Variants in DEFB104B observed in about 807,000 individuals in gnomAD.
The protein encoded by DEFB104B is defensin beta 104B.
intron 1 of DEFB104B, among the ~76,000 whole-genome samples, chr8:7,471,128 C>T (rs1319981339): frequency 1.3e-5 from 2 of 152,002 alleles, no homozygotes; most frequent in South Asian, 2.1e-4. Flanking sequence ...TTTATATCAC[C>T]TATCGCAAGT....
intron 1 of DEFB104B, among the ~76,000 whole-genome samples, chr8:7,473,994 C>T (rs1811042763): frequency 1.4e-5 from 2 of 139,352 alleles, no homozygotes; most frequent in Non-Finnish European, 3.2e-5. Context: ...GGAACATGCT[C>T]ATAGCAGAAT....
At chr8:7,472,383 A>T (rs1810984416) in intron 1 of DEFB104B, among the ~76,000 whole-genome samples, 1 of 130,680 alleles carries the variant, frequency 7.7e-6, no homozygotes, top group African/African-American at 3.1e-5. Context: ...CAGGCCATCT[A>T]TTTAGAGATG....
chr8:7,472,965 T>C (rs1423930923), intron 1 of DEFB104B, among the ~76,000 whole-genome samples: 2 of 107,880 alleles, frequency 1.9e-5, no homozygotes, highest in African/African-American at 7.3e-5. Context: ...CAAGCGATTC[T>C]CCTGCCTCCG....
intron 1 of DEFB104B, among the ~76,000 whole-genome samples, chr8:7,471,961 C>T (rs1251712350): frequency 6.6e-6 from 1 of 150,774 alleles, no homozygotes; most frequent in African/African-American, 2.5e-5. Context: ...GTTCTTTGTC[C>T]AGGATGTAGG....
At chr8:7,472,492 C>G (rs1439163868) in intron 1 of DEFB104B, among the ~76,000 whole-genome samples, 6 of 138,790 alleles carry the variant, frequency 4.3e-5, no homozygotes, top group Non-Finnish European at 9.2e-5. Context: ...GTCTTACAGT[C>G]TCAGTAAACA....
At position 7,473,016 on chromosome 8, in the gene DEFB104B, C is replaced by A. The variant is rs1585521612; in HGVS notation, c.58+1995G>T. On this transcript the variant is annotated intron_variant, in intron 1 of 1. Transcript: ENST00000316169. The stretch of plus-strand genomic sequence containing the variant: ...GAATTACAGACATGCACCACCACAC[C>A]CAGCTAATTTTTGTATTTTTAGTAG... Among the ~76,000 whole-genome samples, 4 of 128,814 alleles carry A rather than the reference C, an allele frequency of 3.1e-5. No homozygotes were observed. The South Asian group carries it at 1.2e-3, about 39-fold the overall frequency. 84.5% of individuals were successfully genotyped at this position (128,814 alleles called of 152,430 possible).
chr8:7,470,872 C>A (rs370832001), intron 1 of DEFB104B, among the ~76,000 whole-genome samples: 13,952 of 113,952 alleles, frequency 0.12, 2 homozygotes, highest in East Asian at 0.23. Flanking sequence ...CACTGTGGCC[C>A]TCACTCTGTC....
rs1253425816 is a variant in DEFB104B at position 7,474,752 on chromosome 8, C to A, written c.58+259G>T. On this transcript the variant is annotated intron_variant, in intron 1 of 1. Coordinates refer to ENST00000316169, the MANE Select transcript of DEFB104B (RefSeq NM_001040702.1). ...ATTGTTACCGTGTGTGGCCAGGGTG[C>A]CAAGGACATCTAGGACTCCTGATCC... 2.3e-4 allele frequency among the ~76,000 whole-genome samples: 31 copies of A among 137,462 alleles called. 5 individuals are homozygous for A. The allele number at this position is 137,462 out of a possible 152,430, so 90.2% of individuals were successfully genotyped here.
intron 1 of DEFB104B, among the ~76,000 whole-genome samples, chr8:7,473,887 C>T (rs1007296524): frequency 1.4e-5 from 2 of 140,578 alleles, no homozygotes; most frequent in Non-Finnish European, 3.2e-5. Flanking sequence ...TGGAGGGATC[C>T]CTGACCCAGG....
At chr8:7,474,458 G>T (rs1298221663) in intron 1 of DEFB104B, among the ~76,000 whole-genome samples, 1 of 141,884 alleles carries the variant, frequency 7.0e-6, no homozygotes, top group African/African-American at 2.6e-5. Flanking sequence ...GAGTTCAAAG[G>T]CACCTGCTAT....
intron 1 of DEFB104B, among the ~76,000 whole-genome samples, chr8:7,474,200 C>T (rs1585522674): frequency 2.1e-5 from 3 of 143,824 alleles, no homozygotes; most frequent in African/African-American, 5.1e-5. Flanking sequence ...AGAGAAGATC[C>T]GATGGCTTCT....
chr8:7,471,960 C>A (rs1207499041), intron 1 of DEFB104B, among the ~76,000 whole-genome samples: 1 of 150,728 alleles, frequency 6.6e-6, no homozygotes, highest in African/African-American at 2.5e-5. Flanking sequence ...GGTTCTTTGT[C>A]CAGGATGTAG....
chr8:7,471,126 A>T (rs1472379794), intron 1 of DEFB104B, among the ~76,000 whole-genome samples: 1 of 151,960 alleles, frequency 6.6e-6, no homozygotes, highest in Non-Finnish European at 1.5e-5. Flanking sequence ...CTTTTATATC[A>T]CCTATCGCAA....
At chr8:7,474,647 T>G (rs1196951021) in intron 1 of DEFB104B, among the ~76,000 whole-genome samples, 2 of 141,180 alleles carry the variant, frequency 1.4e-5, no homozygotes, top group East Asian at 4.0e-4. Context: ...TTCTACAAAA[T>G]CAACAATGAA....
chr8:7,472,461 G>T (rs1172714882), intron 1 of DEFB104B, among the ~76,000 whole-genome samples: 4 of 139,154 alleles, frequency 2.9e-5, no homozygotes, highest in African/African-American at 1.1e-4. Context: ...GTCAAAGCTG[G>T]AACAGAAACC....
intron 1 of DEFB104B, among the ~76,000 whole-genome samples, chr8:7,471,182 A>C (rs1810929078): frequency 6.9e-6 from 1 of 144,808 alleles, no homozygotes; most frequent in Admixed American, 6.9e-5. Flanking sequence ...ATATATATAC[A>C]CATATATAGA....
intron 1 of DEFB104B, among the ~76,000 whole-genome samples, chr8:7,472,261 C>T (rs1810979630): frequency 7.2e-6 from 1 of 139,124 alleles, no homozygotes; most frequent in Non-Finnish European, 1.5e-5. Context: ...AAAAAGAGGA[C>T]AGCATGCTTG....
In DEFB104B at chr8:7,474,122, C is replaced by T. The variant is rs1202479757; in HGVS notation, c.58+889G>A. On this transcript the variant is annotated intron_variant, in intron 1 of 1. Transcript: ENST00000316169. ...ATCTGAATCACAGTGGAGGCACAGC[C>T]TGGAAGGGTAAAAAGATGGGTGCTG... Among the ~76,000 whole-genome samples, 2 of 140,984 alleles carry T rather than the reference C, an allele frequency of 1.4e-5. 1 individual carries two copies. The allele number at this position is 140,984 out of a possible 152,430, so 92.5% of individuals were successfully genotyped here.
intron 1 of DEFB104B, among the ~76,000 whole-genome samples, chr8:7,472,606 C>A (rs1239947520): frequency 7.8e-6 from 1 of 128,276 alleles, no homozygotes; most frequent in African/African-American, 3.2e-5. Context: ...TAGTTTCTTT[C>A]TTGCATAAGC....
Sources: gnomAD v4.1 joint callset for allele counts (sites outside exome capture counted in the v4.1 genomes callset) on GRCh38, gnomAD v4.1.1 for gene constraint, MANE v1.5 for transcripts, NCBI Gene and HGNC (gene_info 2026-07-23, HGNC 2026-07-21) for gene names.